TMEM50B: variants seen among roughly 807,000 people sequenced by gnomAD.
TMEM50B encodes transmembrane protein 50B.
Under a neutral mutation model 23.4 loss-of-function variants are expected in TMEM50B, and 14 were observed. That is an observed-to-expected ratio of 0.60 (90% CI 0.39 to 0.93). The LOEUF (loss-of-function observed/expected upper bound fraction) is 0.93, where lower values mean the gene tolerates loss of function less well. Ranked by LOEUF, TMEM50B falls within the 40% of genes least tolerant of loss-of-function variation. The pLI, the probability that TMEM50B is intolerant of heterozygous loss-of-function variation, is 0.00. For synonymous variants in TMEM50B, 64 were observed against 62.3 expected, an observed-to-expected ratio of 1.03 and a Z score of -0.13; for missense variants, 159 against 193.0, an observed-to-expected ratio of 0.82 and a Z score of 1.04.
rs1473745843 is a variant in TMEM50B, at chr21:33,455,726, C to T, written c.431+1G>A. ...CGTGGTTAAAAAATAAGGCAACTTACCTAAAAAATATAAGTGCATTTTGAA... is the reference window on the plus strand; with the variant it reads ...CGTGGTTAAAAAATAAGGCAACTTATCTAAAAAATATAAGTGCATTTTGAA... On this transcript the variant is annotated splice_donor_variant, in intron 6 of 6. Transcript: ENST00000542230. LOFTEE classifies it high-confidence loss of function. 1 of 1,612,716 alleles carries T rather than the reference C, an allele frequency of 6.2e-7. No homozygotes were observed.
chr21:33,448,076 T>C (rs2084082015), downstream of TMEM50B, among the ~76,000 whole-genome samples: 1 of 152,184 alleles, frequency 6.6e-6, no homozygotes, highest in Admixed American at 6.5e-5. Context: ...CACTGCAACC[T>C]CTGCCTCCCG....
At chr21:33,473,476 A>C (rs1300821588) in intron 1 of TMEM50B, among the ~76,000 whole-genome samples, 1 of 151,552 alleles carries the variant, frequency 6.6e-6, no homozygotes, top group East Asian at 1.9e-4. Context: ...AAAAAAAAAA[A>C]AACTCAATCC....
chr21:33,477,565 G>C (rs759973736), intron 1 of TMEM50B, among the ~76,000 whole-genome samples: 2 of 151,468 alleles, frequency 1.3e-5, no homozygotes, highest in Admixed American at 6.6e-5. Flanking sequence ...GGCTAGGTAC[G>C]GTGGCTCACG....
chr21:33,444,166 AC>A (rs1192468057), downstream of TMEM50B, among the ~76,000 whole-genome samples: 3 of 95,268 alleles, frequency 3.1e-5, no homozygotes, highest in Non-Finnish European at 6.0e-5. Context: ...CTCCCAAAGC[AC>A]TGAGATATAG....
intron 7 of TMEM50B, among the ~76,000 whole-genome samples, chr21:33,439,603 C>A (rs1221663429): frequency 6.6e-6 from 1 of 151,280 alleles, no homozygotes; most frequent in Non-Finnish European, 1.5e-5. Flanking sequence ...TGGTCTCAAA[C>A]TCCTGACCTC....
At chr21:33,463,388 A>G (rs2084234669) in intron 4 of TMEM50B, among the ~76,000 whole-genome samples, 1 of 152,274 alleles carries the variant, frequency 6.6e-6, no homozygotes, top group Admixed American at 6.5e-5. Context: ...AGGCTATGAT[A>G]CTTACTATAT....
At chr21:33,479,295 C>T (rs1346202744) in intron 1 of TMEM50B, 3 of 154,632 alleles carry the variant, frequency 1.9e-5, no homozygotes, top group South Asian at 1.9e-4. Context: ...TTTCCCCTCC[C>T]GCCTCTGTAC....
intron 5 of TMEM50B, among the ~76,000 whole-genome samples, chr21:33,459,390 G>A (rs1256223650): frequency 6.6e-6 from 1 of 152,188 alleles, no homozygotes; most frequent in Non-Finnish European, 1.5e-5. Flanking sequence ...GATTGGCTGG[G>A]CATGGTGGCT....
chr21:33,442,413 C>T (rs1192096073), intron 7 of TMEM50B, among the ~76,000 whole-genome samples: 7 of 152,114 alleles, frequency 4.6e-5, no homozygotes, highest in South Asian at 2.1e-4. Context: ...CAGAGCCACC[C>T]GTTGCTAAGG....
At chr21:33,464,804 CAAAAAA>C (rs59855166) in intron 4 of TMEM50B, among the ~76,000 whole-genome samples, 69,358 of 101,046 alleles carry the variant, frequency 0.69, 21,837 homozygotes, top group East Asian at 0.88. Flanking sequence ...AACTCCGTCT[CAAAAAA>C]AAAAAAAAAA....
chr21:33,432,753 G>C, exon 9 of TMEM50B: 1 of 1,614,098 alleles, frequency 6.2e-7, no homozygotes, highest in Non-Finnish European at 8.5e-7. Context: ...ATCTCCGTGG[G>C]AACATTTTCG....
intron 7 of TMEM50B, among the ~76,000 whole-genome samples, chr21:33,443,913 T>A (rs2084030297): frequency 6.6e-6 from 1 of 152,162 alleles, no homozygotes; most frequent in South Asian, 2.1e-4. Flanking sequence ...TTTGTTTGTT[T>A]GTTTTTTTAC....
chr21:33,474,218 A>G (rs2123460721), intron 1 of TMEM50B, among the ~76,000 whole-genome samples: 1 of 145,112 alleles, frequency 6.9e-6, no homozygotes, highest in Non-Finnish European at 1.6e-5. Context: ...GTTTTTTTTA[A>G]GAGAGACAGG....
intron 2 of TMEM50B, chr21:33,468,508 T>C (rs1464589607): frequency 5.8e-6 from 2 of 346,506 alleles, no homozygotes; most frequent in South Asian, 1.1e-4. Context: ...TACTTACATA[T>C]ATGTTGTATC....
chr21:33,441,627 TTTTA>T (rs1045436898), intron 7 of TMEM50B, among the ~76,000 whole-genome samples: 3 of 151,856 alleles, frequency 2.0e-5, no homozygotes, highest in African/African-American at 7.3e-5. Context: ...TTGTGATCAT[TTTTA>T]TTTATTTATT....
intron 8 of TMEM50B, chr21:33,436,987 G>C: frequency 6.2e-7 from 1 of 1,613,104 alleles, no homozygotes; most frequent in Non-Finnish European, 8.5e-7. Flanking sequence ...CTAGCCCACT[G>C]GCTCCCTGGA....
At chr21:33,438,828 C>T (rs995406180) in intron 8 of TMEM50B, among the ~76,000 whole-genome samples, 2 of 151,816 alleles carry the variant, frequency 1.3e-5, no homozygotes, top group African/African-American at 4.8e-5. Context: ...CTCCCAGGTT[C>T]AAGCAATTCT....
intron 8 of TMEM50B, chr21:33,432,963 G>A: frequency 9.4e-7 from 1 of 1,066,138 alleles, no homozygotes; most frequent in Non-Finnish European, 1.4e-6. Context: ...TCTGCTCACT[G>A]CAGCCTCCAT....
chr21:33,448,482 C>A (rs1191054655), downstream of TMEM50B, among the ~76,000 whole-genome samples: 2 of 151,670 alleles, frequency 1.3e-5, no homozygotes, highest in African/African-American at 4.8e-5. Context: ...CTACAAAAAA[C>A]AACTTTTTTT....
Sources: gnomAD v4.1 joint callset for allele counts (sites outside exome capture counted in the v4.1 genomes callset) on GRCh38, gnomAD v4.1.1 for gene constraint, MANE v1.5 for transcripts, NCBI Gene and HGNC (gene_info 2026-07-23, HGNC 2026-07-21) for gene names.